STK40: variants seen among roughly 807,000 people sequenced by gnomAD.
The protein encoded by STK40 is serine/threonine-protein kinase 40.
STK40 carries 13 observed loss-of-function variants against 47.9 expected under a neutral mutation model. The ratio of observed to expected loss-of-function variants is 0.27; its 90% CI spans 0.18 to 0.43. STK40 has a LOEUF of 0.43. STK40 is among the 20% of genes least tolerant of loss of function. The pLI, the probability that STK40 is intolerant of heterozygous loss-of-function variation, is 1.00. For missense variants in STK40, 460 were observed against 595.1 expected (o/e 0.77, Z 2.36); for synonymous variants, 225 against 243.2 (o/e 0.93, Z 0.69).
In STK40 at chr1:36,355,269, G is replaced by T. The variant is rs760439113; in HGVS notation, c.507C>A (p.Leu169=). The T allele has an allele frequency of 6.2e-7, 1 of 1,614,118 alleles. No homozygotes were observed. Among genetic ancestry groups the T allele is most frequent in the South Asian group, 1.1e-5 (1 of 91,078 alleles). ...LQHYVIKEKR[L]SERETVVIFY... is the part of the protein sequence containing the mutation. ...AGATTACCACAGTCTCCCTCTCGCT[G>T]AGCCTCTTCTCCTTGATGACGTAGT... The change falls in exon 5 of 11, where the codon CTC becomes CTA. Residue 169 remains leucine, a synonymous_variant. Transcript: ENST00000373132.
chr1:36,361,513 C>T (rs994880731), intron 1 of STK40, among the ~76,000 whole-genome samples, 173 bp from the exon 2 acceptor site: 1 of 152,222 alleles, frequency 6.6e-6, no homozygotes, highest in Non-Finnish European at 1.5e-5. Flanking sequence ...AACCACAGCT[C>T]CTTTACTTGG....
At chr1:36,379,398 CTTT>C (rs55738958) in intron 1 of STK40, among the ~76,000 whole-genome samples, 2 of 138,872 alleles carry the variant, frequency 1.4e-5, no homozygotes, top group African/African-American at 2.7e-5. Context: ...GTTGTAGCCT[CTTT>C]TTTTTTTTTT....
intron 3 of STK40, 27 bp from the exon 4 acceptor site, chr1:36,358,409 A>T (rs1212398284): frequency 4.4e-6 from 7 of 1,579,234 alleles, no homozygotes; most frequent in Non-Finnish European, 6.1e-6. Context: ...AAATAAAACC[A>T]AAACCAGAAC....
rs116973560 is a variant in STK40 at position 36,362,829 on chromosome 1, C to T, written c.-8-1489G>A. ...CAAACATGTGGACCACACTGTAATG[C>T]TATTTTATGTTTCCTTTTTTCCCAC... On this transcript the variant is annotated intron_variant, in intron 1 of 10. Transcript: ENST00000373132. Among the ~76,000 whole-genome samples, 35 of 152,276 alleles carry T rather than the reference C, an allele frequency of 2.3e-4. 1 individual carries two copies. In the East Asian group the frequency reaches 6.7e-3, roughly 29 times the overall value.
intron 4 of STK40, among the ~76,000 whole-genome samples, chr1:36,356,226 G>A (rs1326632965): frequency 6.6e-6 from 1 of 152,116 alleles, no homozygotes; most frequent in African/African-American, 2.4e-5. Context: ...CACCAATGTT[G>A]TGGCTGCGAG....
chr1:36,348,871 A>T, intron 6 of STK40, 56 bp from the exon 7 acceptor site: 1 of 1,460,648 alleles, frequency 6.8e-7, no homozygotes, highest in Non-Finnish European at 9.4e-7. Flanking sequence ...CAGGCACAAG[A>T]CACGCAGGCA....
intron 6 of STK40, among the ~76,000 whole-genome samples, chr1:36,351,478 C>T (rs1323765589): frequency 6.6e-6 from 1 of 152,040 alleles, no homozygotes; most frequent in Non-Finnish European, 1.5e-5. Context: ...AGGACACACA[C>T]GGAGCAGTGA....
At chr1:36,369,608 C>T (rs992594409) in intron 1 of STK40, among the ~76,000 whole-genome samples, 2 of 152,218 alleles carry the variant, frequency 1.3e-5, no homozygotes, top group African/African-American at 2.4e-5. Context: ...TGAAATGTCA[C>T]CTGCTGCAGA....
chr1:36,350,669 TC>T (rs1646744223), intron 6 of STK40, among the ~76,000 whole-genome samples: 1 of 152,258 alleles, frequency 6.6e-6, no homozygotes, highest in Non-Finnish European at 1.5e-5. Context: ...TCCTCTCATC[TC>T]CGATGGTTGG....
At position 36,379,710 on chromosome 1, in the gene STK40, A is replaced by G. The variant is rs114762999; in HGVS notation, c.-9+6013T>C. 1.1e-3 allele frequency among the ~76,000 whole-genome samples: 169 copies of G among 152,156 alleles called. 1 individual carries two copies. The highest frequency in any genetic ancestry group is 2.0e-3 in the Non-Finnish European group (139 of 67,984). ...TGTAGCCTCTTTAGGGAGTGGGAAC[A>G]CCTGTGTTCCCCTCAGGACGTACGA... On this transcript the variant is annotated intron_variant, in intron 1 of 10. Transcript: ENST00000373132.
intron 1 of STK40, among the ~76,000 whole-genome samples, chr1:36,371,684 C>G (rs1646948619): frequency 1.1e-5 from 1 of 88,690 alleles, no homozygotes; most frequent in African/African-American, 5.0e-5. Flanking sequence ...GACCCTGTCT[C>G]CAAAAAAAAA....
chr1:36,373,020 C>T (rs908657641), intron 1 of STK40, among the ~76,000 whole-genome samples: 4 of 152,298 alleles, frequency 2.6e-5, no homozygotes, highest in East Asian at 1.9e-4. Flanking sequence ...GGACAAGTTA[C>T]GCAAATGCCA....
intron 1 of STK40, among the ~76,000 whole-genome samples, chr1:36,370,190 C>T (rs1208301083): frequency 6.6e-6 from 1 of 152,264 alleles, no homozygotes; most frequent in African/African-American, 2.4e-5. Context: ...GCAACCCCTA[C>T]TGAAGAATTA....
intron 1 of STK40, among the ~76,000 whole-genome samples, chr1:36,368,957 G>A (rs1036679080): frequency 3.9e-5 from 6 of 152,146 alleles, no homozygotes; most frequent in Admixed American, 6.6e-5. Context: ...CAGGTCCCCC[G>A]AGGCAGAGGA....
chr1:36,383,080 C>A (rs1284425811), intron 1 of STK40, among the ~76,000 whole-genome samples: 2 of 152,164 alleles, frequency 1.3e-5, no homozygotes, highest in Non-Finnish European at 2.9e-5. Flanking sequence ...TCCTGAGTAG[C>A]TGGGATTACA....
intron 2 of STK40, 79 bp from the exon 3 acceptor site, chr1:36,358,901 T>C: frequency 6.7e-7 from 1 of 1,500,306 alleles, no homozygotes; most frequent in South Asian, 1.1e-5. Flanking sequence ...GGTCTTTTAC[T>C]AGACCTTCTA....
chr1:36,358,807 T>C lies in STK40; in HGVS notation c.128A>G (p.Asn43Ser), dbSNP rs979479780. Residue 43 changes from asparagine (N) to serine (S), a missense_variant, in exon 3 of 11, where the codon AAC becomes AGC. This residue lies in a region of STK40 where 277 missense variants were observed against 358.7 expected (regional missense o/e 0.77). Coordinates refer to ENST00000373132, the MANE Select transcript of STK40 (RefSeq NM_001282547.2). ...GPFILGPRLG[N>S]SPVPSIVQCL... Reference sequence around the variant, plus strand: ...CTGCACTATGCTTGGCACCGGTGAGTTGCCCAGACGGGGACCTACGGCACA... The same window carrying C: ...CTGCACTATGCTTGGCACCGGTGAGCTGCCCAGACGGGGACCTACGGCACA... 3.7e-6 allele frequency: 6 copies of C among 1,613,978 alleles called. No individual in the cohort carries two copies. The African/African-American group carries it at 8.0e-5, about 22-fold the overall frequency.
At chr1:36,372,423 C>CAAAAAAAAAAAAA (rs796595993) in intron 1 of STK40, among the ~76,000 whole-genome samples, 1 of 39,600 alleles carries the variant, frequency 2.5e-5, no homozygotes. Context: ...GACCTTGTCT[C>CAAAAAAAAAAAAA]AAAAAAAAAA....
chr1:36,357,686 G>A (rs931603461), intron 4 of STK40, among the ~76,000 whole-genome samples: 8 of 152,094 alleles, frequency 5.3e-5, no homozygotes, highest in Non-Finnish European at 1.0e-4. Context: ...GCACAATCTT[G>A]GCTCACTGCA....
Sources: gnomAD v4.1 joint callset for allele counts (sites outside exome capture counted in the v4.1 genomes callset) on GRCh38, gnomAD v4.1.1 for gene constraint, gnomAD v4.1.1 regional missense constraint, MANE v1.5 for transcripts, NCBI Gene and HGNC (gene_info 2026-07-23, HGNC 2026-07-21) for gene names.